The following MYO16 variants were observed in gnomAD, a reference collection of about 807,000 sequenced individuals.
The protein encoded by MYO16 is unconventional myosin-XVI.
In MYO16, 94 loss-of-function variants were observed where a neutral mutation model predicts 205.3. That is an observed-to-expected ratio of 0.46 (90% CI 0.39 to 0.54). The LOEUF is 0.54. Among genes scored for constraint, MYO16 ranks in the 20% least tolerant of loss-of-function variants. MYO16 has a pLI of 0.00. For missense variants in MYO16, 2,315 were observed against 2,387.5 expected, an observed-to-expected ratio of 0.97 and a Z score of 0.63; for synonymous variants, 988 against 954.0, an observed-to-expected ratio of 1.04 and a Z score of -0.66.
chr13:108,723,851 A>AC (rs1437931643), intron 3 of MYO16, among the ~76,000 whole-genome samples: 19 of 151,788 alleles, frequency 1.3e-4, no homozygotes, highest in African/African-American at 4.4e-4. Context: ...TTCAATATCT[A>AC]TAAAAAAAAA....
chr13:108,981,276 T>G (rs112598983), intron 20 of MYO16, among the ~76,000 whole-genome samples: 2,766 of 152,242 alleles, frequency 0.018, 44 homozygotes, highest in Middle Eastern at 0.037. Flanking sequence ...TTTATTGAAA[T>G]GATAAATGAA....
At chr13:109,137,954 A>G (rs1876859345) in intron 31 of MYO16, among the ~76,000 whole-genome samples, 1 of 152,232 alleles carries the variant, frequency 6.6e-6, no homozygotes, top group African/African-American at 2.4e-5. Flanking sequence ...AACATACTGT[A>G]GAACTCACTC....
chr13:108,767,186 TC>T (rs575583336), intron 4 of MYO16, among the ~76,000 whole-genome samples: 66 of 152,260 alleles, frequency 4.3e-4, no homozygotes, highest in Non-Finnish European at 7.8e-4. Context: ...CACTGCAAGC[TC>T]CGCCTCCCGG....
chr13:108,893,621 A>G (rs1317791594), intron 14 of MYO16, among the ~76,000 whole-genome samples: 2 of 152,158 alleles, frequency 1.3e-5, no homozygotes, highest in African/African-American at 4.8e-5. Context: ...TCAGGATAAG[A>G]TGAAAGGAAA....
chr13:108,834,156 G>A (rs1876772572), intron 9 of MYO16, among the ~76,000 whole-genome samples: 1 of 152,136 alleles, frequency 6.6e-6, no homozygotes, highest in Admixed American at 6.6e-5. Flanking sequence ...GAGAATGATT[G>A]AGCTCAATTC....
Position 109,173,268 on chromosome 13 carries a change from G to A in MYO16, c.5324-6274G>A, listed in dbSNP as rs79141191. 8.5e-3 allele frequency among the ~76,000 whole-genome samples: 1,301 copies of A among 152,224 alleles called. 21 individuals are homozygous for A. The highest frequency in any genetic ancestry group is 0.029 in the African/African-American group (1,214 of 41,528). ...CTCTGTGTGTGAACAGTGAAAATAC[G>A]GAGCACATTGAAAATACATACCAAG... On this transcript the variant is annotated intron_variant, in intron 33 of 34. Coordinates refer to ENST00000457511, the MANE Select transcript of MYO16 (RefSeq NM_001198950.3).
At chr13:108,929,331 A>T (rs180717618) in intron 16 of MYO16, among the ~76,000 whole-genome samples, 1 of 152,354 alleles carries the variant, frequency 6.6e-6, no homozygotes, top group East Asian at 1.9e-4. Context: ...TCCAATACAT[A>T]TGTGGAAAGA....
At chr13:108,878,984 C>T (rs971317781) in intron 12 of MYO16, among the ~76,000 whole-genome samples, 2 of 152,230 alleles carry the variant, frequency 1.3e-5, no homozygotes, top group African/African-American at 2.4e-5. Context: ...CAGCACCACA[C>T]TGTGTGATGA....
intron 23 of MYO16, among the ~76,000 whole-genome samples, chr13:109,036,576 A>G (rs1427813054): frequency 6.6e-6 from 1 of 152,226 alleles, no homozygotes; most frequent in East Asian, 1.9e-4. Context: ...GAGCATTTAA[A>G]TGAGGATCGC....
chr13:108,557,132 C>T, the MYO16 span, among the ~76,000 whole-genome samples: 2 of 152,034 alleles, frequency 1.3e-5, no homozygotes, highest in Non-Finnish European at 2.9e-5. Context: ...TGCAGTTTCA[C>T]AAAAATTTTA....
intron 27 of MYO16, among the ~76,000 whole-genome samples, chr13:109,063,226 G>T (rs1028679158): frequency 1.3e-5 from 2 of 152,092 alleles, no homozygotes; most frequent in Non-Finnish European, 2.9e-5. Flanking sequence ...TGAAACTGGA[G>T]GATCGCTTTA....
intron 16 of MYO16, among the ~76,000 whole-genome samples, chr13:108,910,661 CAGTG>C (rs1230739555): frequency 6.6e-6 from 1 of 152,184 alleles, no homozygotes; most frequent in Non-Finnish European, 1.5e-5. Flanking sequence ...GCTGTATAGA[CAGTG>C]AGTGAAGAAT....
At chr13:108,753,383 A>AAAAAAAAAAAAAAAAAAAAC (rs1885314493) in intron 4 of MYO16, among the ~76,000 whole-genome samples, 1 of 147,722 alleles carries the variant, frequency 6.8e-6, no homozygotes, top group African/African-American at 2.7e-5. Context: ...AAAAAAAAAA[A>AAAAAAAAAAAAAAAAAAAAC]AAAAAAAAAA....
At chr13:108,973,144 C>T (rs1281000513) in intron 20 of MYO16, among the ~76,000 whole-genome samples, 3 of 151,610 alleles carry the variant, frequency 2.0e-5, no homozygotes, top group African/African-American at 7.3e-5. Context: ...CAGTATCTGT[C>T]TGGAGCCTTA....
intron 1 of MYO16, chr13:108,659,325 T>A (rs552069864): frequency 5.4e-6 from 2 of 370,714 alleles, no homozygotes; most frequent in East Asian, 9.2e-5. Flanking sequence ...TACACATATA[T>A]ACACACACAT....
chr13:108,717,119 A>G (rs968257265), intron 3 of MYO16, among the ~76,000 whole-genome samples: 8 of 152,152 alleles, frequency 5.3e-5, no homozygotes, highest in African/African-American at 1.9e-4. Flanking sequence ...AGTATTACAT[A>G]CGTTTTGCTA....
chr13:109,111,140 G>A (rs1889269887), intron 28 of MYO16, among the ~76,000 whole-genome samples: 2 of 152,304 alleles, frequency 1.3e-5, no homozygotes, highest in South Asian at 4.1e-4. Context: ...TGAATTATAG[G>A]TAAAGGCCTT....
chr13:108,933,967 T>C (rs1882372943), intron 16 of MYO16, among the ~76,000 whole-genome samples: 1 of 152,216 alleles, frequency 6.6e-6, no homozygotes, highest in South Asian at 2.1e-4. Context: ...TTCCATGGTG[T>C]ATATGTACCA....
chr13:108,968,456 A>T (rs112244696), intron 20 of MYO16, among the ~76,000 whole-genome samples: 1 of 151,930 alleles, frequency 6.6e-6, no homozygotes, highest in African/African-American at 2.4e-5. Context: ...CTAAAAATAC[A>T]AAATACAAAA....
Sources: allele counts gnomAD v4.1 joint callset (sites outside exome capture counted in the v4.1 genomes callset), GRCh38; gene constraint gnomAD v4.1.1; transcripts MANE v1.5; gene names NCBI Gene and HGNC (gene_info 2026-07-23, HGNC 2026-07-21).